OCA2: variants seen among roughly 807,000 people sequenced by gnomAD.
OCA2 encodes the protein OCA2 melanosomal transmembrane protein.
OCA2 carries 77 observed loss-of-function variants against 100.2 expected under a neutral mutation model. The ratio of observed to expected loss-of-function variants is 0.77; its 90% CI spans 0.64 to 0.93. OCA2 has a LOEUF of 0.93. Among genes scored for constraint, OCA2 ranks in the 40% least tolerant of loss-of-function variants. The probability of loss-of-function intolerance (pLI) is 0.00; values close to 1 mark genes in which losing one functional copy is unlikely to be tolerated. For missense variants in OCA2, 1,062 were observed against 1,089.1 expected (o/e 0.98, Z 0.35); for synonymous variants, 432 against 439.2 (o/e 0.98, Z 0.21).
chr15:27,798,805 A>C (rs2033459176), intron 23 of OCA2, among the ~76,000 whole-genome samples: 1 of 152,268 alleles, frequency 6.6e-6, no homozygotes, highest in Admixed American at 6.5e-5. Context: ...GCCCTTCTTT[A>C]GAAATGTTCC....
At chr15:27,986,687 A>G (rs2041365441) in intron 11 of OCA2, 44 bp from the exon 12 acceptor site, 1 of 1,300,772 alleles carries the variant, frequency 7.7e-7, no homozygotes, top group African/African-American at 1.4e-5. Flanking sequence ...TTAGCAGGAC[A>G]CCATATTAAA....
the OCA2 span, among the ~76,000 whole-genome samples, chr15:27,719,373 C>T: frequency 6.6e-6 from 1 of 152,104 alleles, no homozygotes; most frequent in Admixed American, 6.6e-5. Flanking sequence ...TACACTTAAC[C>T]CTCATTTAAC....
At chr15:27,825,580 C>T (rs1487910298) in intron 23 of OCA2, among the ~76,000 whole-genome samples, 2 of 152,156 alleles carry the variant, frequency 1.3e-5, no homozygotes, top group Non-Finnish European at 2.9e-5. Flanking sequence ...TCACAGGCTA[C>T]TGCGGACTTG....
At chr15:27,991,983 T>C (rs1393146698) in intron 9 of OCA2, among the ~76,000 whole-genome samples, 2 of 152,230 alleles carry the variant, frequency 1.3e-5, no homozygotes, top group Non-Finnish European at 2.9e-5. Flanking sequence ...CTTTTCACAG[T>C]TTCACTTTTT....
chr15:27,966,520 T>G (rs1159706962), intron 15 of OCA2, among the ~76,000 whole-genome samples, 170 bp downstream of exon 15: 1 of 152,208 alleles, frequency 6.6e-6, no homozygotes, highest in Non-Finnish European at 1.5e-5. Context: ...GCACAGCTCA[T>G]GATAGCAGCC....
At chr15:27,915,081 A>G (rs1168694713) in intron 19 of OCA2, among the ~76,000 whole-genome samples, 1 of 152,144 alleles carries the variant, frequency 6.6e-6, no homozygotes, top group Non-Finnish European at 1.5e-5. Flanking sequence ...CAGATCTTTG[A>G]CAAAATCAAC....
At chr15:27,834,036 G>C (rs969653536) in intron 23 of OCA2, among the ~76,000 whole-genome samples, 4 of 152,160 alleles carry the variant, frequency 2.6e-5, no homozygotes, top group African/African-American at 9.7e-5. Flanking sequence ...AATTCCTTTT[G>C]TTGTAATGAG....
intron 4 of OCA2, among the ~76,000 whole-genome samples, chr15:28,026,959 G>A (rs1168594893): frequency 6.6e-6 from 1 of 152,240 alleles, no homozygotes; most frequent in East Asian, 1.9e-4. Context: ...GCGTGACAGG[G>A]TACCGTCGCG....
rs111679558 is a variant in OCA2, at chr15:28,004,550, A to T, written c.1044+10226T>A. Among the ~76,000 whole-genome samples, 1,222 of 151,744 alleles carry T rather than the reference A, an allele frequency of 8.1e-3. 26 individuals are homozygous for T. The highest frequency in any genetic ancestry group is 0.027 in the African/African-American group (1,135 of 41,360). ...CGGTCTCACACTCACCCTCCCTCAC[A>T]TGCCCACACACTAACACAGTCTCAC... On this transcript the variant is annotated intron_variant, in intron 9 of 23. Transcript: ENST00000354638.
intron 18 of OCA2, among the ~76,000 whole-genome samples, chr15:27,942,863 T>C (rs1224072932): frequency 1.3e-5 from 2 of 152,170 alleles, no homozygotes; most frequent in African/African-American, 4.8e-5. Context: ...TATTGCATTA[T>C]ATTATATTTA....
At chr15:28,027,821 C>T (rs756183923) in intron 4 of OCA2, 50 bp downstream of exon 4, 25 of 1,590,868 alleles carry the variant, frequency 1.6e-5, no homozygotes, top group Non-Finnish European at 2.1e-5. Context: ...ATGTAGGACG[C>T]GATGTGCGGC....
chr15:28,018,080 C>T (rs1450307751), intron 7 of OCA2, among the ~76,000 whole-genome samples: 1 of 150,424 alleles, frequency 6.6e-6, no homozygotes, highest in Non-Finnish European at 1.5e-5. Context: ...CCGGACTTAA[C>T]TGCACTTCAA....
the OCA2 span, among the ~76,000 whole-genome samples, chr15:27,744,542 A>G: frequency 6.6e-6 from 1 of 152,296 alleles, no homozygotes; most frequent in Admixed American, 6.5e-5. Flanking sequence ...TTAAAATTCC[A>G]GTAAAGATTT....
intron 18 of OCA2, among the ~76,000 whole-genome samples, chr15:27,950,165 G>C (rs2039982369): frequency 1.3e-5 from 2 of 152,102 alleles, no homozygotes; most frequent in Non-Finnish European, 2.9e-5. Flanking sequence ...TAATAAAATT[G>C]AATGCAAGCT....
intron 9 of OCA2, among the ~76,000 whole-genome samples, chr15:28,007,425 A>C (rs2141168986): frequency 6.6e-6 from 1 of 152,338 alleles, no homozygotes; most frequent in Non-Finnish European, 1.5e-5. Flanking sequence ...TGGGACTTTC[A>C]ACAAGAACTA....
In OCA2 at chr15:27,966,689, C is replaced by A; in HGVS notation, c.1636+1G>T. The A allele has an allele frequency of 1.9e-6, 3 of 1,613,978 alleles. No individual in the cohort carries two copies. Among genetic ancestry groups the A allele is most frequent in the Non-Finnish European group, 2.5e-6 (3 of 1,179,968 alleles). On this transcript the variant is annotated splice_donor_variant, in intron 15 of 23. Coordinates refer to ENST00000354638, the MANE Select transcript of OCA2 (RefSeq NM_000275.3). LOFTEE classifies it high-confidence loss of function. ...CTACATGAGGTTGCACTTGTACTCA[C>A]CAACAATCTCACTGGGTTCCTTGTT...
intron 2 of OCA2, among the ~76,000 whole-genome samples, chr15:28,071,799 C>T (rs2044268830): frequency 6.6e-6 from 1 of 152,150 alleles, no homozygotes; most frequent in Non-Finnish European, 1.5e-5. Context: ...AATATAAGAC[C>T]TCAAACTATA....
intron 23 of OCA2, among the ~76,000 whole-genome samples, chr15:27,820,279 TC>T (rs2034456366): frequency 6.6e-6 from 1 of 152,124 alleles, no homozygotes; most frequent in Admixed American, 6.5e-5. Context: ...CGTGGCAACT[TC>T]CCTCCCACCA....
intron 19 of OCA2, among the ~76,000 whole-genome samples, chr15:27,922,680 G>GGT (rs60426286): frequency 0.012 from 1,741 of 147,094 alleles, 10 homozygotes; most frequent in Non-Finnish European, 0.014. Flanking sequence ...TTTTGTTTGG[G>GGT]GTGTGTGTGT....
Sources: allele counts gnomAD v4.1 joint callset (sites outside exome capture counted in the v4.1 genomes callset), GRCh38; gene constraint gnomAD v4.1.1; transcripts MANE v1.5; gene names NCBI Gene and HGNC (gene_info 2026-07-23, HGNC 2026-07-21).